Variants in ADGRL2 observed in about 807,000 individuals in gnomAD.
ADGRL2 encodes the protein adhesion G protein-coupled receptor L2, also known as calcium-independent alpha-latrotoxin receptor 2.
In ADGRL2, 44 loss-of-function variants were observed where a neutral mutation model predicts 157.4. That is an observed-to-expected ratio of 0.28 (90% CI 0.22 to 0.36). The LOEUF (loss-of-function observed/expected upper bound fraction) is 0.36, where lower values mean the gene tolerates loss of function less well. Among genes scored for constraint, ADGRL2 ranks in the 10% least tolerant of loss-of-function variants. The probability of loss-of-function intolerance (pLI) is 1.00; values close to 1 mark genes in which losing one functional copy is unlikely to be tolerated. For synonymous variants in ADGRL2, 585 were observed against 624.7 expected, an observed-to-expected ratio of 0.94 and a Z score of 0.95; for missense variants, 1,510 against 1,768.9, an observed-to-expected ratio of 0.85 and a Z score of 2.63.
chr1:81,522,110 G>A lies in ADGRL2; in HGVS notation c.-247-58766G>A, dbSNP rs137904253. 9.9e-3 allele frequency among the ~76,000 whole-genome samples: 1,502 copies of A among 151,818 alleles called. 14 individuals are homozygous for A. The highest frequency in any genetic ancestry group is 0.014 in the Non-Finnish European group (961 of 67,920). ...CTCTTGGGTAGCTGGGATTACAGGC[G>A]CACACCACTGTACCCAGCTAATTTT... On this transcript the variant is annotated intron_variant, in intron 2 of 24. Coordinates refer to the ADGRL2 transcript ENST00000370721.
intron 2 of ADGRL2, among the ~76,000 whole-genome samples, chr1:81,552,585 A>G (rs886378038): frequency 1.4e-4 from 21 of 145,256 alleles, no homozygotes; most frequent in African/African-American, 5.3e-4. Flanking sequence ...AACCACGTAG[A>G]GTATATGAAA....
intron 3 of ADGRL2, among the ~76,000 whole-genome samples, chr1:81,612,859 G>A (rs1175517805): frequency 6.6e-6 from 1 of 152,052 alleles, no homozygotes; most frequent in African/African-American, 2.4e-5. Flanking sequence ...AAATCACAAT[G>A]AGCTATCACT....
intron 2 of ADGRL2, among the ~76,000 whole-genome samples, chr1:81,792,845 C>T (rs2087414719): frequency 6.6e-6 from 1 of 152,014 alleles, no homozygotes; most frequent in East Asian, 1.9e-4. Context: ...AATAATGGTG[C>T]TGTAAATGTT....
At chr1:81,391,261 A>ACAAG (rs2076549284) in intron 1 of ADGRL2, among the ~76,000 whole-genome samples, 1 of 152,306 alleles carries the variant, frequency 6.6e-6, no homozygotes, top group African/African-American at 2.4e-5. Flanking sequence ...TGCTTGTGGC[A>ACAAG]CTTGTGCTAC....
At chr1:81,945,957 A>G (rs899811057) in intron 6 of ADGRL2, among the ~76,000 whole-genome samples, 4 of 152,010 alleles carry the variant, frequency 2.6e-5, no homozygotes, top group African/African-American at 9.7e-5. Context: ...ACCTATATGC[A>G]TGTAGGTGGG....
chr1:81,733,177 T>C (rs1403976487), intron 1 of ADGRL2, among the ~76,000 whole-genome samples: 1 of 152,126 alleles, frequency 6.6e-6, no homozygotes, highest in Non-Finnish European at 1.5e-5. Context: ...CAACCAAGGG[T>C]TCATTACCAC....
At chr1:81,889,646 A>T (rs796825862) in intron 2 of ADGRL2, among the ~76,000 whole-genome samples, 13 of 152,322 alleles carry the variant, frequency 8.5e-5, no homozygotes, top group African/African-American at 3.1e-4. Context: ...AAGATCATTG[A>T]TGGAGGTGGC....
intron 23 of ADGRL2, 98 bp downstream of exon 23, chr1:81,987,984 G>T: frequency 3.9e-6 from 1 of 259,712 alleles, no homozygotes; most frequent in South Asian, 4.1e-5. Context: ...TCATGAAGTA[G>T]ACTCAGCGGG....
At chr1:81,837,447 C>CT (rs1043691752) in intron 2 of ADGRL2, among the ~76,000 whole-genome samples, 2 of 151,768 alleles carry the variant, frequency 1.3e-5, no homozygotes, top group African/African-American at 4.8e-5. Flanking sequence ...TCTAAAACTC[C>CT]TAAGTTAAAA....
intron 1 of ADGRL2, among the ~76,000 whole-genome samples, chr1:81,370,328 A>C (rs2100980983): frequency 6.6e-6 from 1 of 152,270 alleles, no homozygotes; most frequent in East Asian, 1.9e-4. Context: ...AAAACGATTA[A>C]ATCATTGTTG....
intron 2 of ADGRL2, among the ~76,000 whole-genome samples, chr1:81,552,284 T>A (rs927699790): frequency 6.6e-6 from 1 of 152,114 alleles, no homozygotes; most frequent in African/African-American, 2.4e-5. Flanking sequence ...AGCAGCTGTT[T>A]GAAGAAGGAT....
chr1:81,907,324 A>G, intron 3 of ADGRL2, 94 bp downstream of exon 3: 1 of 985,186 alleles, frequency 1.0e-6, no homozygotes, highest in Non-Finnish European at 1.6e-6. Context: ...TATAGACCAC[A>G]TCCCAGCCTA....
intron 2 of ADGRL2, among the ~76,000 whole-genome samples, chr1:81,509,281 A>C (rs1374503930): frequency 6.6e-6 from 1 of 152,110 alleles, no homozygotes; most frequent in Non-Finnish European, 1.5e-5. Flanking sequence ...TCCTGGAGAC[A>C]ATGTAGCCCT....
intron 6 of ADGRL2, among the ~76,000 whole-genome samples, chr1:81,947,948 G>A (rs1650408824): frequency 6.6e-6 from 1 of 152,126 alleles, no homozygotes; most frequent in African/African-American, 2.4e-5. Flanking sequence ...GCTGGGCACA[G>A]TCGCTCATGC....
chr1:81,450,300 G>T (rs1232669546), intron 2 of ADGRL2, among the ~76,000 whole-genome samples: 3 of 152,160 alleles, frequency 2.0e-5, no homozygotes, highest in Non-Finnish European at 4.4e-5. Context: ...AAACCCACGA[G>T]TATGCCAATG....
chr1:81,762,841 A>G (rs924855628), intron 2 of ADGRL2, among the ~76,000 whole-genome samples: 1 of 151,912 alleles, frequency 6.6e-6, no homozygotes, highest in African/African-American at 2.4e-5. Flanking sequence ...TCACGAGGTC[A>G]GGAGATCAAG....
At chr1:81,383,953 CAAA>C (rs577073531) in intron 1 of ADGRL2, among the ~76,000 whole-genome samples, 1 of 83,822 alleles carries the variant, frequency 1.2e-5, no homozygotes, top group African/African-American at 5.2e-5. Flanking sequence ...GACTCTGTCT[CAAA>C]AAAAAAAAAA....
At position 81,774,642 on chromosome 1, in the gene ADGRL2, C is replaced by T. The variant is rs542673365; in HGVS notation, c.-101+12790C>T. ...CATCTTTTTATTAATAATCATGTGA[C>T]AGTGTCTTCCACCATTGTTAGCTCA... is the stretch of plus-strand genomic sequence containing the variant. On this transcript the variant is annotated intron_variant, in intron 2 of 20. Transcript: ENST00000359929. 2.0e-5 allele frequency among the ~76,000 whole-genome samples: 3 copies of T among 152,250 alleles called. No individual in the cohort carries two copies. The East Asian group carries it at 5.8e-4, about 29-fold the overall frequency.
intron 1 of ADGRL2, among the ~76,000 whole-genome samples, chr1:81,393,271 A>C (rs1256219801): frequency 6.6e-6 from 1 of 151,954 alleles, no homozygotes; most frequent in Non-Finnish European, 1.5e-5. Context: ...AGTTGCCTCT[A>C]TCACTTTGGG....
Sources: allele counts gnomAD v4.1 joint callset (sites outside exome capture counted in the v4.1 genomes callset), GRCh38; gene constraint gnomAD v4.1.1; transcripts MANE v1.5; gene names NCBI Gene and HGNC (gene_info 2026-07-23, HGNC 2026-07-21).